The following TTC7B variants were observed in gnomAD, a reference collection of about 807,000 sequenced individuals.
TTC7B encodes tetratricopeptide repeat protein 7B.
TTC7B carries 28 observed loss-of-function variants against 106.8 expected under a neutral mutation model. The ratio of observed to expected loss-of-function variants is 0.26; its 90% CI spans 0.19 to 0.36. The LOEUF (loss-of-function observed/expected upper bound fraction) is 0.36. TTC7B is among the 10% of genes least tolerant of loss of function. TTC7B has a pLI of 1.00. For missense variants in TTC7B, 862 were observed against 1,076.4 expected, an observed-to-expected ratio of 0.80 and a Z score of 2.79; for synonymous variants, 405 against 430.6, an observed-to-expected ratio of 0.94 and a Z score of 0.74.
intron 3 of TTC7B, among the ~76,000 whole-genome samples, chr14:90,762,457 T>C (rs757298407): frequency 2.6e-5 from 4 of 152,242 alleles, no homozygotes; most frequent in African/African-American, 4.8e-5. Context: ...TCTTTAATTC[T>C]TTCTAATCTA....
intron 5 of TTC7B, among the ~76,000 whole-genome samples, chr14:90,716,163 G>C (rs980932256): frequency 5.3e-5 from 8 of 152,312 alleles, no homozygotes; most frequent in African/African-American, 1.9e-4. Context: ...AAGAAGGAGG[G>C]TGGGGGTCAG....
intron 19 of TTC7B, among the ~76,000 whole-genome samples, chr14:90,543,169 ATTCTT>A (rs915713474): frequency 6.6e-6 from 1 of 152,152 alleles, no homozygotes; most frequent in Non-Finnish European, 1.5e-5. Flanking sequence ...GACTTTTGAG[ATTCTT>A]TTCTTTGAAA....
At chr14:90,660,978 G>A (rs551432817) in intron 9 of TTC7B, among the ~76,000 whole-genome samples, 3 of 152,334 alleles carry the variant, frequency 2.0e-5, no homozygotes, top group East Asian at 3.9e-4. Context: ...ATGGGACATC[G>A]GCAGGAGTGG....
intron 3 of TTC7B, among the ~76,000 whole-genome samples, chr14:90,754,072 G>T (rs1455089458): frequency 6.6e-6 from 1 of 152,198 alleles, no homozygotes; most frequent in African/African-American, 2.4e-5. Flanking sequence ...CAGAGTTTGT[G>T]ATAATTCATC....
In TTC7B at chr14:90,572,963, T is replaced by C. The variant is rs147863621; in HGVS notation, c.2310+5143A>G. Among the ~76,000 whole-genome samples the C allele has an allele frequency of 7.2e-5, 11 of 152,140 alleles. 1 individual carries two copies. In the East Asian group the frequency reaches 2.1e-3, roughly 30 times the overall value. ...CAGCCCAACCCCTAGCCACCGCCCG[T>C]CTCTCCTCCCCATCACTTTCCCCTT... On this transcript the variant is annotated intron_variant, in intron 19 of 19. Transcript: ENST00000328459.
intron 16 of TTC7B, among the ~76,000 whole-genome samples, chr14:90,613,538 G>A (rs1174506281): frequency 2.6e-5 from 4 of 152,194 alleles, no homozygotes; most frequent in African/African-American, 4.8e-5. Flanking sequence ...CAGGACAAGG[G>A]GCAAGGAGAG....
chr14:90,786,039 T>C (rs1891374855), intron 2 of TTC7B, 135 bp downstream of exon 2: 1 of 1,071,112 alleles, frequency 9.3e-7, no homozygotes, highest in Non-Finnish European at 1.2e-6. Context: ...AACTGGGAGC[T>C]GGCCCGCTTC....
chr14:90,556,233 G>A (rs1890300601), intron 19 of TTC7B, among the ~76,000 whole-genome samples: 1 of 152,182 alleles, frequency 6.6e-6, no homozygotes, highest in Non-Finnish European at 1.5e-5. Flanking sequence ...CCAGCAATAT[G>A]TGGGGATGCC....
rs149861434 is a variant in TTC7B, at chr14:90,624,405, G to A, written c.1752-6360C>T. On this transcript the variant is annotated intron_variant, in intron 15 of 19. Transcript: ENST00000328459. This position sits in a 1 kb window ranked among gnomAD's most constrained non-coding sequence, Gnocchi z 4.0. ...TTCACCTCAGGAAATGAGTCAGAGC[G>A]GCACTTGTCAGGGCCATGCTCGGTG... 6.6e-6 allele frequency among the ~76,000 whole-genome samples: 1 copy of A among 152,224 alleles called. No individual in the cohort carries two copies. The highest frequency in any genetic ancestry group is 1.5e-5 in the Non-Finnish European group (1 of 67,998).
At chr14:90,636,605 T>C (rs1214656640) in intron 15 of TTC7B, among the ~76,000 whole-genome samples, 1 of 152,048 alleles carries the variant, frequency 6.6e-6, no homozygotes, top group African/African-American at 2.4e-5. Context: ...GCAGAAAACA[T>C]TCTTTTCAGG....
At chr14:90,666,315 C>T (rs1886408234) in intron 9 of TTC7B, among the ~76,000 whole-genome samples, 1 of 152,178 alleles carries the variant, frequency 6.6e-6, no homozygotes, top group South Asian at 2.1e-4. Flanking sequence ...GCGTGCGCCA[C>T]CACGCCTGGC....
At chr14:90,607,806 G>A (rs1385768280) in intron 17 of TTC7B, among the ~76,000 whole-genome samples, 1 of 152,216 alleles carries the variant, frequency 6.6e-6, no homozygotes, top group Non-Finnish European at 1.5e-5. Flanking sequence ...AGTGCAAAAT[G>A]GCAGGTGCTC....
At chr14:90,545,828 G>T (rs1435588344) in intron 19 of TTC7B, among the ~76,000 whole-genome samples, 1 of 152,216 alleles carries the variant, frequency 6.6e-6, no homozygotes, top group African/African-American at 2.4e-5. Flanking sequence ...AGCACCCTCC[G>T]TGTTGGCCAC....
At chr14:90,648,266 T>C (rs900870972) in intron 13 of TTC7B, 8 of 152,240 alleles carry the variant, frequency 5.3e-5, no homozygotes, top group African/African-American at 1.4e-4. Flanking sequence ...CCTCAAGACA[T>C]AGCCTCAGGA....
chr14:90,718,347 T>C (rs1888742112), intron 5 of TTC7B, among the ~76,000 whole-genome samples: 1 of 152,216 alleles, frequency 6.6e-6, no homozygotes, highest in South Asian at 2.1e-4. Flanking sequence ...AAAGACTCTT[T>C]CAGAGCCAGC....
chr14:90,670,054 A>T (rs756538704), intron 9 of TTC7B, among the ~76,000 whole-genome samples: 11 of 152,266 alleles, frequency 7.2e-5, no homozygotes, highest in Non-Finnish European at 1.5e-4. Context: ...CTGCAGCATT[A>T]TTCACAATAG....
chr14:90,775,670 A>G (rs1891004318), intron 3 of TTC7B, among the ~76,000 whole-genome samples: 1 of 152,158 alleles, frequency 6.6e-6, no homozygotes, highest in South Asian at 2.1e-4. Context: ...CTGCCAAGAA[A>G]CATCCCCACA....
At chr14:90,683,312 C>T (rs1383687396) in intron 7 of TTC7B, among the ~76,000 whole-genome samples, 2 of 152,088 alleles carry the variant, frequency 1.3e-5, no homozygotes, top group African/African-American at 4.8e-5. Context: ...TTTAATATGT[C>T]TGGCTGAGAT....
In TTC7B at chr14:90,541,049, A is replaced by C; in HGVS notation, c.*319T>G. The C allele has an allele frequency of 3.2e-6, 1 of 314,602 alleles. No homozygotes were observed. The highest frequency in any genetic ancestry group is 5.8e-6 in the Non-Finnish European group (1 of 172,518). 19.5% of individuals were successfully genotyped at this position (314,602 alleles called of 1,614,324 possible). On this transcript the variant is annotated 3_prime_UTR_variant, in exon 20 of 20. Coordinates refer to ENST00000328459, the MANE Select transcript of TTC7B (RefSeq NM_001010854.2). ...GCCACTGAATTTTAACTTTGAATATATTCTTCTACATTTGCTGATTAATTC... is the reference window on the plus strand; with the variant it reads ...GCCACTGAATTTTAACTTTGAATATCTTCTTCTACATTTGCTGATTAATTC...
Sources: allele counts gnomAD v4.1 joint callset (sites outside exome capture counted in the v4.1 genomes callset), GRCh38; gene constraint gnomAD v4.1.1; non-coding constraint Gnocchi (gnomAD v3.1); transcripts MANE v1.5; gene names NCBI Gene and HGNC (gene_info 2026-07-23, HGNC 2026-07-21).